Variants in B3GAT1 observed in about 807,000 individuals in gnomAD.
B3GAT1 encodes the protein galactosylgalactosylxylosylprotein 3-beta-glucuronosyltransferase 1.
Under a neutral mutation model 28.4 loss-of-function variants are expected in B3GAT1, and 11 were observed. The observed-to-expected ratio is 0.39, with a 90% confidence interval of 0.24 to 0.64. B3GAT1 has a LOEUF of 0.64. Among genes scored for constraint, B3GAT1 ranks in the 30% least tolerant of loss-of-function variants. The probability of loss-of-function intolerance (pLI) is 0.50; values close to 1 mark genes in which losing one functional copy is unlikely to be tolerated. For missense variants in B3GAT1, 375 were observed against 491.0 expected, an observed-to-expected ratio of 0.76 and a Z score of 2.23; for synonymous variants, 255 against 223.1, an observed-to-expected ratio of 1.14 and a Z score of -1.27.
intron 1 of B3GAT1, among the ~76,000 whole-genome samples, chr11:134,405,095 T>TG (rs531836192): frequency 6.4e-4 from 98 of 152,080 alleles, no homozygotes; most frequent in African/African-American, 1.9e-3. Context: ...CAAGCAGGGC[T>TG]GGGGGGGTGA....
chr11:134,399,244 C>G (rs1051233105), intron 1 of B3GAT1, among the ~76,000 whole-genome samples: 1 of 152,232 alleles, frequency 6.6e-6, no homozygotes, highest in African/African-American at 2.4e-5. Flanking sequence ...CATTCCAGCT[C>G]TATGAATAGA....
chr11:134,396,703 C>G (rs1479228787), intron 1 of B3GAT1, among the ~76,000 whole-genome samples: 1 of 152,180 alleles, frequency 6.6e-6, no homozygotes, highest in Non-Finnish European at 1.5e-5. Context: ...GACCTTGCAG[C>G]CTGGAAGGGC....
At chr11:134,392,180 A>G (rs1944423589) in intron 1 of B3GAT1, 2 of 147,698 alleles carry the variant, frequency 1.4e-5, no homozygotes, top group Admixed American at 6.6e-5. Flanking sequence ...GAGCGCCAAC[A>G]AAACAGCCTC....
At chr11:134,403,375 T>G (rs1411180201) in intron 1 of B3GAT1, among the ~76,000 whole-genome samples, 1 of 152,170 alleles carries the variant, frequency 6.6e-6, no homozygotes, top group African/African-American at 2.4e-5. Context: ...TCCCTCCACT[T>G]GCTGAGTTGC....
At chr11:134,386,466 G>A (rs1944288976) in intron 2 of B3GAT1, 1 of 152,288 alleles carries the variant, frequency 6.6e-6, no homozygotes, top group African/African-American at 2.4e-5. Flanking sequence ...GCCAGCTGTG[G>A]GGTGCGTGGC....
intron 2 of B3GAT1, chr11:134,387,252 T>A: frequency 9.6e-6 from 3 of 313,576 alleles, no homozygotes; most frequent in African/African-American, 2.1e-5. Flanking sequence ...ACCTCAGCAC[T>A]TCCCCAGGGG....
rs1944843104 is a variant in B3GAT1, at chr11:134,411,036, C to T, written c.-282+771G>A. Among the ~76,000 whole-genome samples, 1 of 152,212 alleles carries T rather than the reference C, an allele frequency of 6.6e-6. No individual in the cohort carries two copies. The highest frequency in any genetic ancestry group is 2.4e-5 in the African/African-American group (1 of 41,452). On this transcript the variant is annotated intron_variant, in intron 1 of 5. Transcript: ENST00000312527. This position sits in a 1 kb window ranked among gnomAD's most constrained non-coding sequence, Gnocchi z 6.0. Reference sequence around the variant, plus strand: ...GGACAGGGAAGTTGGCCAAGGCTCCCATGTGTGTGCATGTGGGGGTGGTTC... The same window carrying T: ...GGACAGGGAAGTTGGCCAAGGCTCCTATGTGTGTGCATGTGGGGGTGGTTC...
At chr11:134,389,781 G>C (rs1439443812) in intron 1 of B3GAT1, 2 of 152,408 alleles carry the variant, frequency 1.3e-5, no homozygotes, top group African/African-American at 4.8e-5. Flanking sequence ...AGAGTCGAGT[G>C]CTATGGCCGA....
At chr11:134,383,037 C>T (rs751889272) in intron 3 of B3GAT1, 31 bp from the exon 4 acceptor site, 46 of 1,511,368 alleles carry the variant, frequency 3.0e-5, no homozygotes, top group Middle Eastern at 2.2e-4. Context: ...GTCAGGGCGC[C>T]GGCACTGCAG....
In B3GAT1 at chr11:134,380,055, G is replaced by C. The variant is rs914108481; in HGVS notation, c.*707C>G. ...AAGGGGTAAAGGAAGAGGGGCCGGA[G>C]GGGGGGACTCTGCTCCCGCCACAGC... On this transcript the variant is annotated 3_prime_UTR_variant, in exon 6 of 6. Transcript: ENST00000312527. 3 of 152,708 alleles carry C rather than the reference G, an allele frequency of 2.0e-5. No individual in the cohort carries two copies. The highest frequency in any genetic ancestry group is 2.4e-5 in the African/African-American group (1 of 41,386). 9.5% of individuals were successfully genotyped at this position (152,708 alleles called of 1,614,324 possible). A position where few individuals can be genotyped will look rare whatever the true frequency, so the allele number is the denominator to read the frequency against.
rs1475250819 is a variant in B3GAT1 at position 134,382,944 on chromosome 11, C to T, written c.684G>A (p.Glu228=). 4 of 1,607,872 alleles carry T rather than the reference C, an allele frequency of 2.5e-6. No homozygotes were observed. Among genetic ancestry groups the T allele is most frequent in the South Asian group, 1.1e-5 (1 of 90,132 alleles). ...PVAFVGGLRY[E]APRVNGAGKV... is the part of the protein sequence containing the mutation. ...TCCCTGCCCCGTTCACCCGTGGGGC[C>T]TCGTACCGCAGGCCACCCACGAAGG... Residue 228 remains glutamate (E), a synonymous_variant, in exon 4 of 6, where the codon GAG becomes GAA. Transcript: ENST00000312527.
At chr11:134,403,433 C>A (rs1420997811) in intron 1 of B3GAT1, among the ~76,000 whole-genome samples, 2 of 152,214 alleles carry the variant, frequency 1.3e-5, no homozygotes, top group Admixed American at 1.3e-4. Flanking sequence ...GGGCTTCACA[C>A]TCAGGGCTGG....
At chr11:134,384,378 G>A (rs1455209580) in intron 2 of B3GAT1, 190 bp from the exon 3 acceptor site, 1 of 722,290 alleles carries the variant, frequency 1.4e-6, no homozygotes, top group Non-Finnish European at 2.2e-6. Flanking sequence ...TCTCTGGGAG[G>A]GTCCTAGCTC....
chr11:134,401,614 C>T (rs1944615306), intron 1 of B3GAT1, among the ~76,000 whole-genome samples: 1 of 152,150 alleles, frequency 6.6e-6, no homozygotes, highest in South Asian at 2.1e-4. Context: ...TGAAAAACTA[C>T]CTACTGGTTA....
In B3GAT1 at chr11:134,410,552, G is replaced by A. The variant is rs1014528629; in HGVS notation, c.-282+1255C>T. ...CTGGGAAAGGGTCTTCACCCCATGG[G>A]AAGAAAGGGAAGGCTTGATGTTTGG... On this transcript the variant is annotated intron_variant, in intron 1 of 5. Transcript: ENST00000312527. Among the ~76,000 whole-genome samples the A allele has an allele frequency of 3.9e-5, 6 of 152,224 alleles. 1 individual carries two copies. The highest frequency in any genetic ancestry group is 1.4e-4 in the African/African-American group (6 of 41,464).
At chr11:134,398,517 T>C (rs2165313) in intron 1 of B3GAT1, among the ~76,000 whole-genome samples, 25,630 of 152,236 alleles carry the variant, frequency 0.17, 2,603 homozygotes, top group Non-Finnish European at 0.24. Context: ...TTATCTCATT[T>C]AATGTTTAAA....
At chr11:134,395,405 G>A (rs1286735389) in intron 1 of B3GAT1, among the ~76,000 whole-genome samples, 5 of 152,128 alleles carry the variant, frequency 3.3e-5, no homozygotes, top group Non-Finnish European at 5.9e-5. Flanking sequence ...GTCATGATGG[G>A]TGATGGGAGT....
In B3GAT1 at chr11:134,387,920, G is replaced by A. The variant is rs1415846839; in HGVS notation, c.-261C>T. Reference sequence around the variant, plus strand: ...GGTCGCTGTCCAGGGGCAGGGGTCAGGAACCCTGGGGGGTGGACACCTGCA... The same window carrying A: ...GGTCGCTGTCCAGGGGCAGGGGTCAAGAACCCTGGGGGGTGGACACCTGCA... On this transcript the variant is annotated 5_prime_UTR_variant, in exon 2 of 6. Coordinates refer to ENST00000312527, the MANE Select transcript of B3GAT1 (RefSeq NM_054025.3). 2 of 1,445,522 alleles carry A rather than the reference G, an allele frequency of 1.4e-6. No homozygotes were observed. Among genetic ancestry groups the A allele is most frequent in the Non-Finnish European group, 1.9e-6 (2 of 1,079,196 alleles). The allele number at this position is 1,445,522 out of a possible 1,614,324, so 89.5% of individuals were successfully genotyped here.
chr11:134,378,997 C>T lies in B3GAT1; in HGVS notation c.*1765G>A, dbSNP rs557767311. On this transcript the variant is annotated 3_prime_UTR_variant, in exon 6 of 6. Transcript: ENST00000312527. ...GCAGTAGAGTGCCCACACATAAGCT[C>T]ACCACCTGTGCCCACCTCCTCCCTT... The T allele has an allele frequency of 3.9e-5, 6 of 152,274 alleles. No homozygotes were observed. The South Asian group carries it at 1.2e-3, about 32-fold the overall frequency. 9.4% of individuals were successfully genotyped at this position (152,274 alleles called of 1,614,324 possible).
Sources: allele counts gnomAD v4.1 joint callset (sites outside exome capture counted in the v4.1 genomes callset), GRCh38; gene constraint gnomAD v4.1.1; non-coding constraint Gnocchi (gnomAD v3.1); transcripts MANE v1.5; gene names NCBI Gene and HGNC (gene_info 2026-07-23, HGNC 2026-07-21).